The following JPH3 variants were observed in gnomAD, a reference collection of about 807,000 sequenced individuals.
JPH3 encodes the protein junctophilin 3, also known as junctophilin-3.
Under a neutral mutation model 59.6 loss-of-function variants are expected in JPH3, and 11 were observed. That is an observed-to-expected ratio of 0.18 (90% CI 0.12 to 0.31). The LOEUF (loss-of-function observed/expected upper bound fraction) is 0.31. Among genes scored for constraint, JPH3 ranks in the 10% least tolerant of loss-of-function variants. JPH3 has a pLI of 1.00. For synonymous variants in JPH3, 673 were observed against 483.6 expected (o/e 1.39, Z -5.14); for missense variants, 1,202 against 1,105.7 (o/e 1.09, Z -1.24).
chr16:87,626,307 G>A (rs2031373660), intron 1 of JPH3, among the ~76,000 whole-genome samples: 1 of 152,182 alleles, frequency 6.6e-6, no homozygotes, highest in Non-Finnish European at 1.5e-5. Flanking sequence ...TTATCACCAT[G>A]GAGCTGGGAT....
chr16:87,667,434 C>T (rs997748866), intron 2 of JPH3, among the ~76,000 whole-genome samples: 4 of 152,252 alleles, frequency 2.6e-5, no homozygotes, highest in Admixed American at 1.3e-4. Flanking sequence ...AATCGTCCTT[C>T]TGTCTGCCGC....
At position 87,690,145 on chromosome 16, in the gene JPH3, C is replaced by T. The variant is rs775448005; in HGVS notation, c.1785C>T (p.Pro595=). Residue 595 remains proline (P), a synonymous_variant, in exon 4 of 5, where the codon CCC becomes CCT. Transcript: ENST00000284262. The stretch of plus-strand genomic sequence containing the variant: ...ACCACCGGGCCAGCAACCACAGCCC[C>T]GGAGGCTCCAGGCTGCTGGAGCTGC... The part of the protein sequence containing the change: ...TSHHRASNHS[P]GGSRLLELQE... 6 of 1,596,700 alleles carry T rather than the reference C, an allele frequency of 3.8e-6. No individual in the cohort carries two copies. The highest frequency in any genetic ancestry group is 1.7e-4 in the Middle Eastern group (1 of 6,060).
chr16:87,662,166 C>T (rs999285949), intron 2 of JPH3, among the ~76,000 whole-genome samples: 2 of 152,216 alleles, frequency 1.3e-5, no homozygotes, highest in African/African-American at 4.8e-5. Flanking sequence ...CAGGGACATC[C>T]CGAAGCGCCG....
intron 2 of JPH3, among the ~76,000 whole-genome samples, chr16:87,678,124 C>T (rs2033196997): frequency 6.6e-6 from 1 of 152,154 alleles, no homozygotes. Context: ...TAGTGTCTTC[C>T]TGCCCACTTG....
intron 2 of JPH3, among the ~76,000 whole-genome samples, chr16:87,673,255 C>T (rs1337483718): frequency 6.6e-6 from 1 of 151,436 alleles, no homozygotes; most frequent in Non-Finnish European, 1.5e-5. Flanking sequence ...CTCTTAATAA[C>T]AGAAATGTAA....
chr16:87,689,549 C>A, intron 3 of JPH3, 97 bp from the exon 4 acceptor site: 1 of 1,330,740 alleles, frequency 7.5e-7, no homozygotes, highest in Non-Finnish European at 1.0e-6. Flanking sequence ...CCTCTGCTGC[C>A]CTGAGGTTCC....
chr16:87,632,550 G>A (rs1280806993), intron 1 of JPH3, among the ~76,000 whole-genome samples: 1 of 152,098 alleles, frequency 6.6e-6, no homozygotes, highest in Admixed American at 6.5e-5. Context: ...AGCCCCTCCT[G>A]GGCTGAAGCA....
At chr16:87,637,760 GC>G (rs2031804805) in intron 1 of JPH3, among the ~76,000 whole-genome samples, 2 of 152,196 alleles carry the variant, frequency 1.3e-5, no homozygotes, top group South Asian at 4.2e-4. Flanking sequence ...GACTCCCTGT[GC>G]CCCCGGGGTT....
intron 4 of JPH3, chr16:87,695,321 A>G (rs1325102387): frequency 4.4e-6 from 2 of 456,066 alleles, no homozygotes; most frequent in Admixed American, 4.7e-5. Context: ...GTCCATGGAA[A>G]ACCAGTCTGT....
At chr16:87,686,558 G>A (rs1039022534) in intron 3 of JPH3, among the ~76,000 whole-genome samples, 2 of 150,734 alleles carry the variant, frequency 1.3e-5, no homozygotes, top group Non-Finnish European at 3.0e-5. Context: ...ATGCTTCCTC[G>A]AGGGCTCAGT....
chr16:87,661,203 C>T (rs2032691517), intron 2 of JPH3, among the ~76,000 whole-genome samples: 1 of 152,202 alleles, frequency 6.6e-6, no homozygotes, highest in Admixed American at 6.5e-5. Flanking sequence ...TCCTCTCCGA[C>T]CTCCTGCCTC....
At chr16:87,643,992 G>C (rs2032043991) in intron 1 of JPH3, among the ~76,000 whole-genome samples, 1 of 152,200 alleles carries the variant, frequency 6.6e-6, no homozygotes, top group Non-Finnish European at 1.5e-5. Flanking sequence ...TTACAAAGTA[G>C]TGGAGCATGG....
At chr16:87,662,933 G>A (rs181815557) in intron 2 of JPH3, among the ~76,000 whole-genome samples, 8 of 152,230 alleles carry the variant, frequency 5.3e-5, no homozygotes, top group Non-Finnish European at 1.2e-4. Context: ...GCACCCCTTC[G>A]GGGCTGCTGC....
intron 1 of JPH3, among the ~76,000 whole-genome samples, chr16:87,629,155 T>C (rs754113573): frequency 1.2e-4 from 19 of 152,012 alleles, no homozygotes; most frequent in Non-Finnish European, 1.9e-4. Context: ...CATGGGGAAG[T>C]GACTCCATGC....
chr16:87,658,563 C>A (rs1014237220), intron 2 of JPH3, among the ~76,000 whole-genome samples: 1 of 152,204 alleles, frequency 6.6e-6, no homozygotes, highest in Non-Finnish European at 1.5e-5. Flanking sequence ...CCCCAACCCC[C>A]CTGTTTCTCT....
intron 1 of JPH3, among the ~76,000 whole-genome samples, chr16:87,619,007 G>A (rs992041797): frequency 1.3e-5 from 2 of 151,542 alleles, no homozygotes; most frequent in African/African-American, 2.4e-5. Flanking sequence ...AGAATCACTC[G>A]AACCTGGGAG....
At chr16:87,690,901 G>A (rs1022361406) in intron 4 of JPH3, among the ~76,000 whole-genome samples, 2 of 152,242 alleles carry the variant, frequency 1.3e-5, no homozygotes, top group Non-Finnish European at 2.9e-5. Context: ...TGAGTGTCCT[G>A]TGTCCTGGAT....
intron 4 of JPH3, chr16:87,695,606 C>A (rs1243284844): frequency 2.2e-6 from 1 of 455,976 alleles, no homozygotes; most frequent in Non-Finnish European, 4.4e-6. Context: ...GTGTCCCAGC[C>A]ATTCCTGGGC....
intron 1 of JPH3, among the ~76,000 whole-genome samples, chr16:87,634,219 C>G (rs1276374154): frequency 6.6e-6 from 1 of 152,172 alleles, no homozygotes; most frequent in African/African-American, 2.4e-5. Context: ...TGCCCAGGGT[C>G]TGGTCCCTGA....
Sources: allele counts gnomAD v4.1 joint callset (sites outside exome capture counted in the v4.1 genomes callset), GRCh38; gene constraint gnomAD v4.1.1; transcripts MANE v1.5; gene names NCBI Gene and HGNC (gene_info 2026-07-23, HGNC 2026-07-21).